Variants in DOK6 observed in about 807,000 individuals in gnomAD.
DOK6 encodes the protein downstream of tyrosine kinase 6.
In DOK6, 22 loss-of-function variants were observed where a neutral mutation model predicts 44.0. The observed-to-expected ratio is 0.50, with a 90% CI of 0.36 to 0.71. DOK6 has a LOEUF of 0.71. Among genes scored for constraint, DOK6 ranks in the 30% least tolerant of loss-of-function variants. The pLI is 0.00. For synonymous variants in DOK6, 166 were observed against 145.5 expected (o/e 1.14, Z -1.01); for missense variants, 340 against 416.4 (o/e 0.82, Z 1.60).
At chr18:69,564,354 T>C (rs1982918257) in intron 1 of DOK6, 133 bp from the exon 2 acceptor site, 2 of 678,950 alleles carry the variant, frequency 2.9e-6, no homozygotes, top group Non-Finnish European at 4.9e-6. Flanking sequence ...GTAATCTTAA[T>C]TAAGAACATG....
At chr18:69,555,408 G>C (rs1001430738) in intron 1 of DOK6, among the ~76,000 whole-genome samples, 2 of 152,078 alleles carry the variant, frequency 1.3e-5, no homozygotes, top group East Asian at 3.9e-4. Context: ...AAAAGAATCT[G>C]CCTGATTTTG....
At chr18:69,752,807 T>TCCCTGGTC (rs1171341012) in intron 6 of DOK6, among the ~76,000 whole-genome samples, 1 of 152,174 alleles carries the variant, frequency 6.6e-6, no homozygotes, top group African/African-American at 2.4e-5. Context: ...TCCATAGGTT[T>TCCCTGGTC]CCCTGGTCCC....
Position 69,591,541 on chromosome 18 carries a change from T to G in DOK6, c.175-7843T>G, listed in dbSNP as rs78279608. On this transcript the variant is annotated intron_variant, in intron 2 of 7. Coordinates refer to ENST00000382713, the MANE Select transcript of DOK6 (RefSeq NM_152721.6). ...AAATTTGGGAATCTTGTATCTGCATTTTTCAACTTGACAACTTCTCAAAAC... is the reference window on the plus strand; with the variant it reads ...AAATTTGGGAATCTTGTATCTGCATGTTTCAACTTGACAACTTCTCAAAAC... Among the ~76,000 whole-genome samples, 10 of 152,318 alleles carry G rather than the reference T, an allele frequency of 6.6e-5. No individual in the cohort carries two copies. The East Asian group carries it at 1.9e-3, about 29-fold the overall frequency.
intron 5 of DOK6, among the ~76,000 whole-genome samples, chr18:69,737,153 A>G (rs1978638300): frequency 6.6e-6 from 1 of 152,250 alleles, no homozygotes; most frequent in African/African-American, 2.4e-5. Context: ...AACCTAGAGT[A>G]TTAGTGCATT....
chr18:69,516,857 T>TG (rs1264782464), intron 1 of DOK6, among the ~76,000 whole-genome samples: 1 of 150,172 alleles, frequency 6.7e-6, no homozygotes, highest in Non-Finnish European at 1.5e-5. Context: ...TTTTTTTTTT[T>TG]TCTAGTGAAG....
chr18:69,801,636 C>G (rs540676091), intron 7 of DOK6, among the ~76,000 whole-genome samples: 1 of 152,274 alleles, frequency 6.6e-6, no homozygotes, highest in South Asian at 2.1e-4. Flanking sequence ...ACTTTTAAGG[C>G]CCTTTACACT....
intron 1 of DOK6, among the ~76,000 whole-genome samples, chr18:69,494,230 C>A (rs1267795588): frequency 6.6e-6 from 1 of 152,296 alleles, no homozygotes; most frequent in Admixed American, 6.5e-5. Flanking sequence ...AATCCTAGAA[C>A]TTTGGGAGGC....
chr18:69,822,197 A>G (rs1045238904), intron 7 of DOK6, among the ~76,000 whole-genome samples: 2 of 152,210 alleles, frequency 1.3e-5, no homozygotes, highest in African/African-American at 4.8e-5. Context: ...CAGATCCAGC[A>G]AAATTTTGAA....
chr18:69,648,288 G>T (rs1312801755), intron 3 of DOK6, among the ~76,000 whole-genome samples: 4 of 152,038 alleles, frequency 2.6e-5, no homozygotes, highest in African/African-American at 9.7e-5. Flanking sequence ...GGTAAGTTGG[G>T]TACAAACCAA....
intron 5 of DOK6, among the ~76,000 whole-genome samples, chr18:69,714,553 A>T (rs1001571175): frequency 6.6e-6 from 1 of 152,248 alleles, no homozygotes; most frequent in Non-Finnish European, 1.5e-5. Flanking sequence ...TAAGTAAAAT[A>T]AACTTAGAAC....
intron 1 of DOK6, among the ~76,000 whole-genome samples, chr18:69,418,669 G>A (rs762177699): frequency 6.6e-6 from 1 of 151,716 alleles, no homozygotes; most frequent in Non-Finnish European, 1.5e-5. Context: ...ATGGGGTCTT[G>A]CTGTGTTGCC....
chr18:69,807,067 A>G (rs569811293), intron 7 of DOK6, among the ~76,000 whole-genome samples: 1 of 152,064 alleles, frequency 6.6e-6, no homozygotes, highest in African/African-American at 2.4e-5. Context: ...CAAAGCCTAT[A>G]GAAACTTAGA....
intron 3 of DOK6, among the ~76,000 whole-genome samples, chr18:69,649,630 TCAA>T (rs1364122759): frequency 6.6e-6 from 1 of 152,002 alleles, no homozygotes; most frequent in Admixed American, 6.6e-5. Flanking sequence ...CAAAACAAAA[TCAA>T]CTAAAAATGG....
At chr18:69,786,939 G>A (rs1386155122) in intron 7 of DOK6, among the ~76,000 whole-genome samples, 1 of 152,198 alleles carries the variant, frequency 6.6e-6, no homozygotes, top group African/African-American at 2.4e-5. Flanking sequence ...CTGATGGCCG[G>A]GCTTGGTGGC....
rs17187218 is a variant in DOK6 at position 69,513,535 on chromosome 18, A to G, written c.67-50952A>G. Among the ~76,000 whole-genome samples the G allele has an allele frequency of 4.0e-5, 6 of 151,862 alleles. No homozygotes were observed. The East Asian group carries it at 1.2e-3, about 30-fold the overall frequency. The stretch of plus-strand genomic sequence containing the variant: ...GATAACCCTTTGTTTTCTAACCAAC[A>G]TGACATTGCTAGTGAATTGTATTTA... On this transcript the variant is annotated intron_variant, in intron 1 of 7. Coordinates refer to ENST00000382713, the MANE Select transcript of DOK6 (RefSeq NM_152721.6).
chr18:69,402,735 T>G (rs1483703981), intron 1 of DOK6, among the ~76,000 whole-genome samples: 1 of 152,192 alleles, frequency 6.6e-6, no homozygotes, highest in Admixed American at 6.5e-5. Context: ...CCCCCCTTCC[T>G]CCAGCCTGGA....
At chr18:69,503,576 A>T (rs1981103816) in intron 1 of DOK6, among the ~76,000 whole-genome samples, 1 of 152,122 alleles carries the variant, frequency 6.6e-6, no homozygotes, top group Non-Finnish European at 1.5e-5. Flanking sequence ...AAAATCATAG[A>T]CTTTAAAACA....
intron 4 of DOK6, among the ~76,000 whole-genome samples, chr18:69,693,653 T>C (rs1986318829): frequency 6.6e-6 from 1 of 152,158 alleles, no homozygotes. Context: ...TTACTTCTTG[T>C]CAGAAATCCC....
At chr18:69,775,476 G>A (rs9958675) in intron 7 of DOK6, among the ~76,000 whole-genome samples, 1,940 of 151,946 alleles carry the variant, frequency 0.013, 29 homozygotes, top group African/African-American at 0.037. Flanking sequence ...GTATGGATAC[G>A]TTTATATTTT....
Sources: gnomAD v4.1 joint callset for allele counts (sites outside exome capture counted in the v4.1 genomes callset) on GRCh38, gnomAD v4.1.1 for gene constraint, MANE v1.5 for transcripts, NCBI Gene and HGNC (gene_info 2026-07-23, HGNC 2026-07-21) for gene names.